The following EEF1B2 variants were observed in gnomAD, a reference collection of about 807,000 sequenced individuals.
EEF1B2 encodes elongation factor 1-beta.
Under a neutral mutation model 28.3 loss-of-function variants are expected in EEF1B2, and 12 were observed. That is an observed-to-expected ratio of 0.42 (90% CI 0.27 to 0.69). The LOEUF is 0.69. Ranked by LOEUF, EEF1B2 falls within the 30% of genes least tolerant of loss-of-function variation. EEF1B2 has a pLI of 0.22. For synonymous variants in EEF1B2, 83 were observed against 99.9 expected (o/e 0.83, Z 1.01); for missense variants, 234 against 272.6 (o/e 0.86, Z 1.00).
In EEF1B2 at chr2:206,160,718, C is replaced by G; in HGVS notation, c.203+8C>G. The G allele has an allele frequency of 6.2e-7, 1 of 1,614,076 alleles. No homozygotes were observed. Among genetic ancestry groups the G allele is most frequent in the Non-Finnish European group, 8.5e-7 (1 of 1,180,020 alleles). The stretch of plus-strand genomic sequence containing the variant: ...CGAAAAGGAAAAGGCCAGGTAAAAT[C>G]ATCTTTGTATAGAGCTGAAGAATAA... On this transcript the variant is annotated splice_region_variant and intron_variant, in intron 2 of 5. Transcript: ENST00000392222.
Position 206,159,925 on chromosome 2 carries a change from A to T in EEF1B2, c.-55A>T. 2 of 1,591,372 alleles carry T rather than the reference A, an allele frequency of 1.3e-6. No homozygotes were observed. The highest frequency in any genetic ancestry group is 1.7e-6 in the Non-Finnish European group (2 of 1,170,216). Reference sequence around the variant, plus strand: ...TTCCTCTCTTCAGCGTGGGGCGCCCACAATTTGCGCGCTCTCTTTCTGCTG... The same window carrying T: ...TTCCTCTCTTCAGCGTGGGGCGCCCTCAATTTGCGCGCTCTCTTTCTGCTG... On this transcript the variant is annotated 5_prime_UTR_variant, in exon 1 of 6. Coordinates refer to ENST00000392222, the MANE Select transcript of EEF1B2 (RefSeq NM_001959.4).
chr2:206,160,043 A>C lies in EEF1B2; in HGVS notation c.64A>C (p.Lys22Gln). ...LQVLNDYLAD[K>Q]SYIEGYVPSQ... ...GGTGCTCAACGATTACCTGGCGGAC[A>C]AGAGCTACATCGAGGGGTGAGCGGA... The change falls in exon 1 of 6, where the codon AAG becomes CAG. Residue 22 changes from lysine (K) to glutamine (Q), a missense_variant. Coordinates refer to ENST00000392222, the MANE Select transcript of EEF1B2 (RefSeq NM_001959.4). The C allele has an allele frequency of 6.2e-7, 1 of 1,613,320 alleles. No individual in the cohort carries two copies.
At position 206,160,423 on chromosome 2, in the gene EEF1B2, A is replaced by G. The variant is rs1378256510; in HGVS notation, c.81-165A>G. 2.3e-6 allele frequency: 3 copies of G among 1,298,724 alleles called. No individual in the cohort carries two copies. The African/African-American group carries it at 4.5e-5, about 19-fold the overall frequency. The allele number at this position is 1,298,724 out of a possible 1,614,324, so 80.5% of individuals were successfully genotyped here. A position where few individuals can be genotyped will look rare whatever the true frequency, so the allele number is the denominator to read the frequency against. On this transcript the variant is annotated intron_variant, in intron 1 of 5. Transcript: ENST00000392222. Reference sequence around the variant, plus strand: ...ATTTCTCAGGATAGCGCGGTGACCCAAACATATGGTTTGATTTGAAGGAGC... The same window carrying G: ...ATTTCTCAGGATAGCGCGGTGACCCGAACATATGGTTTGATTTGAAGGAGC...
upstream of EEF1B2, chr2:206,159,748 C>T: frequency 2.0e-6 from 1 of 495,798 alleles, no homozygotes; most frequent in Non-Finnish European, 3.6e-6. Context: ...GGTCCATGGA[C>T]AATTTGTGGG....
chr2:206,159,609 AG>A (rs1687834214), upstream of EEF1B2: 2 of 229,502 alleles, frequency 8.7e-6, no homozygotes, highest in Non-Finnish European at 1.7e-5. Context: ...AAGTGGCCCC[AG>A]CCTCGAGGCC....
rs1222109220 is a variant in EEF1B2 at position 206,160,666 on chromosome 2, A to G, written c.159A>G (p.Leu53=). The change falls in exon 2 of 6, where the codon CTA becomes CTG. Residue 53 remains leucine, a synonymous_variant. Coordinates refer to ENST00000392222, the MANE Select transcript of EEF1B2 (RefSeq NM_001959.4). ...CGCCTGCCGACTTGTGTCATGCCCT[A>G]CGTTGGTATAATCACATCAAGTCTT... The part of the protein sequence containing the change: ...SPPPADLCHA[L]RWYNHIKSYE... 5.0e-6 allele frequency: 8 copies of G among 1,614,082 alleles called. No individual in the cohort carries two copies. The highest frequency in any genetic ancestry group is 1.3e-5 in the African/African-American group (1 of 75,028).
intron 4 of EEF1B2, 125 bp from the exon 5 acceptor site, chr2:206,162,364 T>G: frequency 6.9e-7 from 1 of 1,453,682 alleles, no homozygotes; most frequent in South Asian, 1.2e-5. Context: ...ACACAAGATG[T>G]ATCTGTAGTT....
At chr2:206,161,886 A>G (rs773416270) in intron 3 of EEF1B2, 152 bp from the exon 4 acceptor site, 6 of 784,288 alleles carry the variant, frequency 7.7e-6, no homozygotes, top group Middle Eastern at 2.2e-4. Context: ...GACTGGTTGC[A>G]TGATGAATAA....
chr2:206,161,689 G>C (rs112878838), intron 3 of EEF1B2, among the ~76,000 whole-genome samples: 5 of 151,086 alleles, frequency 3.3e-5, no homozygotes, highest in African/African-American at 1.2e-4. Flanking sequence ...AGAATTGCTT[G>C]AACCTAGGAA....
At chr2:206,159,885 C>T (rs538519453), upstream of EEF1B2, 11 of 1,426,936 alleles carry the variant, frequency 7.7e-6, no homozygotes, top group South Asian at 2.6e-5. Flanking sequence ...ATTTTCCGGT[C>T]TCTTCGGGTC....
Position 206,160,641 on chromosome 2 carries a change from C to T in EEF1B2, c.134C>T (p.Pro45Leu), listed in dbSNP as rs766566425. 1.2e-6 allele frequency: 2 copies of T among 1,614,034 alleles called. No homozygotes were observed. Among genetic ancestry groups the T allele is most frequent in the Non-Finnish European group, 1.7e-6 (2 of 1,180,028 alleles). Residue 45 changes from proline (P) to leucine (L), a missense_variant, in exon 2 of 6, where the codon CCG (proline) becomes CTG (leucine). Pro to Leu is a moderately conservative substitution (Grantham distance 98). Transcript: ENST00000392222. Reference protein sequence around the residue: ...VAVFEAVSSPPPADLCHALRW... With the variant: ...VAVFEAVSSPLPADLCHALRW... ...GTATTTGAAGCCGTGTCCAGCCCAC[C>T]GCCTGCCGACTTGTGTCATGCCCTA...
chr2:206,162,632 C>CTT lies in EEF1B2; in HGVS notation c.523+28_523+29dup, dbSNP rs753151319. On this transcript the variant is annotated intron_variant, in intron 5 of 5. Transcript: ENST00000392222. ...GGGCTCATGTGAGTTTAGGCTTTGC[C>CTT]TTTTTTTTTTTGAAACTAACATCTG... 3.4e-3 allele frequency: 4,173 copies of CTT among 1,229,824 alleles called. 51 individuals are homozygous for CTT. In the African/African-American group the frequency reaches 0.058, roughly 17 times the overall value. The allele number at this position is 1,229,824 out of a possible 1,614,324, so 76.2% of individuals were successfully genotyped here. A position where few individuals can be genotyped will look rare whatever the true frequency, so the allele number is the denominator to read the frequency against.
At position 206,161,482 on chromosome 2, in the gene EEF1B2, C is replaced by G. The variant is rs2105786088; in HGVS notation, c.330+10C>G. The G allele has an allele frequency of 1.2e-6, 2 of 1,613,358 alleles. No homozygotes were observed. Among genetic ancestry groups the G allele is most frequent in the Non-Finnish European group, 1.7e-6 (2 of 1,179,594 alleles). The stretch of plus-strand genomic sequence containing the variant: ...ATCTGATGATGAGGAGGTATGGCGT[C>G]TTCTATAAAGAACATATCGGCCAGG... On this transcript the variant is annotated intron_variant, in intron 3 of 5. Transcript: ENST00000392222.
At chr2:206,160,940 G>T (rs1275513734) in intron 2 of EEF1B2, 49 of 748,902 alleles carry the variant, frequency 6.5e-5, no homozygotes, top group Non-Finnish European at 9.7e-5. Flanking sequence ...CTGCCAATGT[G>T]CCTCGACCTT....
chr2:206,161,768 CAAAA>C (rs34708881), intron 3 of EEF1B2: 73 of 462,508 alleles, frequency 1.6e-4, no homozygotes, highest in East Asian at 3.0e-4. Flanking sequence ...GACTCCGTCC[CAAAA>C]AAAAAAAAAA....
At chr2:206,159,890 C>A, upstream of EEF1B2, 1 of 1,463,810 alleles carries the variant, frequency 6.8e-7, no homozygotes, top group South Asian at 1.3e-5. Flanking sequence ...CCGGTCTCTT[C>A]GGGTCCTTTT....
intron 3 of EEF1B2, 47 bp downstream of exon 3, chr2:206,161,519 A>C (rs763628654): frequency 6.2e-7 from 1 of 1,606,712 alleles, no homozygotes; most frequent in East Asian, 2.2e-5. Context: ...GCAGTGGCTC[A>C]TGCCTGTAAT....
At chr2:206,162,190 C>G (rs1687954163) in intron 4 of EEF1B2, 86 bp downstream of exon 4, 1 of 1,337,356 alleles carries the variant, frequency 7.5e-7, no homozygotes, top group East Asian at 2.3e-5. Flanking sequence ...CCTCCACATT[C>G]CTTGAATAGG....
chr2:206,161,378 A>G lies in EEF1B2; in HGVS notation c.236A>G (p.Tyr79Cys), dbSNP rs757780832. The stretch of plus-strand genomic sequence containing the variant: ...GGAGTGAAGAAAGCTTTGGGCAAAT[A>G]TGGTCCTGCCGATGTGGAAGACACT... Reference protein sequence around the residue: ...LPGVKKALGKYGPADVEDTTG... With the variant: ...LPGVKKALGKCGPADVEDTTG... The change falls in exon 3 of 6, where the codon TAT becomes TGT. Residue 79 changes from tyrosine to cysteine, a missense_variant. Tyr to Cys is a radical substitution (Grantham distance 194, BLOSUM62 -2). Coordinates refer to ENST00000392222, the MANE Select transcript of EEF1B2 (RefSeq NM_001959.4). 5.0e-6 allele frequency: 8 copies of G among 1,614,124 alleles called. No homozygotes were observed. The highest frequency in any genetic ancestry group is 6.8e-6 in the Non-Finnish European group (8 of 1,180,008).
Sources: allele counts gnomAD v4.1 joint callset (sites outside exome capture counted in the v4.1 genomes callset), GRCh38; gene constraint gnomAD v4.1.1; transcripts MANE v1.5; gene names NCBI Gene and HGNC (gene_info 2026-07-23, HGNC 2026-07-21).